Variants in RBM27 observed in about 807,000 individuals in gnomAD.
RBM27 encodes the protein RNA-binding protein 27.
A neutral mutation model predicts 135.3 loss-of-function variants in RBM27; 22 were observed. That is an observed-to-expected ratio of 0.16 (90% confidence interval 0.12 to 0.23). RBM27 has a LOEUF of 0.23. Ranked by LOEUF, RBM27 falls within the 10% of genes least tolerant of loss-of-function variation. The probability of loss-of-function intolerance (pLI) is 1.00; values close to 1 mark genes in which losing one functional copy is unlikely to be tolerated. For synonymous variants in RBM27, 481 were observed against 442.4 expected (o/e 1.09, Z -1.10); for missense variants, 1,009 against 1,281.0 (o/e 0.79, Z 3.24).
At chr5:146,204,122 A>C (rs1755520927) in intron 1 of RBM27, among the ~76,000 whole-genome samples, 1 of 152,174 alleles carries the variant, frequency 6.6e-6, no homozygotes. Context: ...AGGGAATTTA[A>C]AACATTGCTG....
In RBM27 at chr5:146,230,855, A is replaced by G. The variant is rs1345145737; in HGVS notation, c.788A>G (p.His263Arg). The G allele has an allele frequency of 6.2e-7, 1 of 1,614,180 alleles. No homozygotes were observed. The highest frequency in any genetic ancestry group is 2.2e-5 in the East Asian group (1 of 44,892). ...AGTTGGTCTAATTACTATAACAATC[A>G]TAGCTCTTCCAATTCTTTTGGTCGA... ...TESWSNYYNN[H>R]SSSNSFGRNL... is the part of the protein sequence containing the mutation. Residue 263 changes from histidine (H) to arginine (R), a missense_variant, in exon 6 of 21, where the codon CAT becomes CGT. Around this residue, in one of 6 missense-constraint regions of RBM27, gnomAD observed 268 missense variants for 326.6 expected, o/e 0.82. Transcript: ENST00000265271.
chr5:146,212,966 T>A (rs57605364), intron 1 of RBM27, among the ~76,000 whole-genome samples: 4,343 of 152,282 alleles, frequency 0.029, 209 homozygotes, highest in African/African-American at 0.099. Context: ...TGTTAAAAAT[T>A]AATGCTGTTT....
chr5:146,228,474 G>T (rs1756778671), intron 3 of RBM27, among the ~76,000 whole-genome samples: 1 of 151,542 alleles, frequency 6.6e-6, no homozygotes, highest in Non-Finnish European at 1.5e-5. Flanking sequence ...TCGAGACAGG[G>T]TTTCACCATG....
chr5:146,227,117 A>G (rs1357878833), intron 3 of RBM27, among the ~76,000 whole-genome samples: 1 of 152,162 alleles, frequency 6.6e-6, no homozygotes, highest in Non-Finnish European at 1.5e-5. Context: ...TTCTAATTAG[A>G]CTGTTGATCA....
chr5:146,230,190 A>G (rs548845376), intron 5 of RBM27, among the ~76,000 whole-genome samples: 22 of 152,338 alleles, frequency 1.4e-4, no homozygotes, highest in Non-Finnish European at 3.1e-4. Flanking sequence ...CCTTTAATCA[A>G]TAAAGCTATC....
intron 9 of RBM27, among the ~76,000 whole-genome samples, chr5:146,252,077 T>G (rs1757915522): frequency 1.3e-5 from 2 of 152,246 alleles, no homozygotes; most frequent in African/African-American, 4.8e-5. Flanking sequence ...ATCTGTCATC[T>G]CTGGTGTCCT....
chr5:146,207,264 C>T (rs1272606505), intron 1 of RBM27, among the ~76,000 whole-genome samples: 2 of 151,950 alleles, frequency 1.3e-5, no homozygotes, highest in African/African-American at 4.8e-5. Context: ...TCACTGTTGC[C>T]CAGGCTGGAG....
intron 8 of RBM27, among the ~76,000 whole-genome samples, chr5:146,240,330 G>GTCTA (rs1225553934): frequency 5.3e-5 from 8 of 149,600 alleles, no homozygotes; most frequent in Admixed American, 1.3e-4. Flanking sequence ...CTGTCTGTCT[G>GTCTA]TCTATCTGTC....
intron 8 of RBM27, among the ~76,000 whole-genome samples, chr5:146,241,296 A>G (rs1300696442): frequency 6.6e-6 from 1 of 152,198 alleles, no homozygotes; most frequent in East Asian, 1.9e-4. Flanking sequence ...GACTTAGCTT[A>G]ATAAATAAAT....
At chr5:146,280,844 T>C (rs1759313224) in intron 19 of RBM27, among the ~76,000 whole-genome samples, 1 of 146,908 alleles carries the variant, frequency 6.8e-6, no homozygotes. Context: ...TTTTGCAGTC[T>C]ATTTGTTTTA....
chr5:146,261,869 A>C (rs1758416077), intron 13 of RBM27, 63 bp downstream of exon 13: 1 of 1,547,276 alleles, frequency 6.5e-7, no homozygotes, highest in East Asian at 2.3e-5. Flanking sequence ...GTATTTTTCA[A>C]TTCCTGGTCC....
intron 14 of RBM27, among the ~76,000 whole-genome samples, chr5:146,264,654 T>TAAAAAAAAAAAAAAAAAAGAAAA: frequency 1.0e-5 from 1 of 97,904 alleles, no homozygotes; most frequent in African/African-American, 3.6e-5. Context: ...CAAAGAGAGC[T>TAAAAAAAAAAAAAAAAAAGAAAA]AAAAAAAAAA....
chr5:146,269,632 C>T, intron 17 of RBM27, 48 bp downstream of exon 17: 1 of 1,335,340 alleles, frequency 7.5e-7, no homozygotes, highest in Non-Finnish European at 9.9e-7. Flanking sequence ...GAACATCTGC[C>T]ATGTGCTTGA....
At position 146,267,757 on chromosome 5, in the gene RBM27, A is replaced by G. The variant is rs1758679541; in HGVS notation, c.2440A>G (p.Lys814Glu). ...ATCTCATGATGTTCAAGAAGTGCTTAAAAAAAAACAGGTAACAGTCTTGAT... is the reference window on the plus strand; with the variant it reads ...ATCTCATGATGTTCAAGAAGTGCTTGAAAAAAAACAGGTAACAGTCTTGAT... Reference protein sequence around the residue: ...SKSHDVQEVLKKKQEAMKLQQ... With the variant: ...SKSHDVQEVLEKKQEAMKLQQ... Residue 814 changes from lysine (K) to glutamate (E), a missense_variant, in exon 15 of 21, where the codon AAA becomes GAA. Transcript: ENST00000265271. 6.3e-7 allele frequency: 1 copy of G among 1,586,352 alleles called. No homozygotes were observed. The highest frequency in any genetic ancestry group is 1.8e-5 in the Admixed American group (1 of 55,066).
At chr5:146,220,513 T>C (rs942344109) in intron 2 of RBM27, among the ~76,000 whole-genome samples, 2 of 149,862 alleles carry the variant, frequency 1.3e-5, no homozygotes, top group African/African-American at 4.9e-5. Context: ...TATATATGTA[T>C]GTATAGTTGA....
intron 2 of RBM27, among the ~76,000 whole-genome samples, chr5:146,220,488 AAAT>A (rs200947946): frequency 0.15 from 19,663 of 132,382 alleles, 1,290 homozygotes; most frequent in Admixed American, 0.24. Flanking sequence ...AAAAAAAAAA[AAAT>A]ATATATATAT....
chr5:146,228,724 C>T (rs914554146), intron 3 of RBM27, among the ~76,000 whole-genome samples: 20 of 152,218 alleles, frequency 1.3e-4, no homozygotes, highest in Non-Finnish European at 4.4e-5. Context: ...TATTGGCCTC[C>T]TGAGTAGCTG....
At chr5:146,222,032 T>G (rs1160943003) in intron 2 of RBM27, among the ~76,000 whole-genome samples, 1 of 152,210 alleles carries the variant, frequency 6.6e-6, no homozygotes, top group Non-Finnish European at 1.5e-5. Context: ...TTGAGCTATG[T>G]GTCTTTCAGA....
intron 6 of RBM27, among the ~76,000 whole-genome samples, chr5:146,232,767 C>T (rs1756992397): frequency 2.0e-5 from 3 of 152,110 alleles, no homozygotes; most frequent in Admixed American, 1.3e-4. Flanking sequence ...CGGGGTTTCA[C>T]CATGTTGGTC....
Sources: gnomAD v4.1 joint callset for allele counts (sites outside exome capture counted in the v4.1 genomes callset) on GRCh38, gnomAD v4.1.1 for gene constraint, gnomAD v4.1.1 regional missense constraint, MANE v1.5 for transcripts, NCBI Gene and HGNC (gene_info 2026-07-23, HGNC 2026-07-21) for gene names.